The following KLK1 variants were observed in gnomAD, a reference collection of about 807,000 sequenced individuals.
KLK1 encodes kallikrein-1.
Under a neutral mutation model 23.3 loss-of-function variants are expected in KLK1, and 22 were observed. The ratio of observed to expected loss-of-function variants is 0.95; its 90% CI spans 0.68 to 1.35. KLK1 has a LOEUF of 1.35. Among genes scored for constraint, KLK1 ranks in the 40% most tolerant of loss-of-function variants. KLK1 has a pLI of 0.00. For missense variants in KLK1, 301 were observed against 338.9 expected (o/e 0.89, Z 0.88); for synonymous variants, 140 against 135.8 (o/e 1.03, Z -0.21).
intron 1 of KLK1, chr19:50,822,578 C>T (rs1322666441): frequency 3.0e-6 from 3 of 985,098 alleles, no homozygotes; most frequent in South Asian, 9.4e-5. Flanking sequence ...TTCCTGTGAA[C>T]CAGGAATGGC....
Position 50,821,696 on chromosome 19 carries a change from C to T in KLK1, c.206+16G>A, listed in dbSNP as rs534478559. 1 of 1,582,890 alleles carries T rather than the reference C, an allele frequency of 6.3e-7. No individual in the cohort carries two copies. The highest frequency in any genetic ancestry group is 8.6e-7 in the Non-Finnish European group (1 of 1,161,436). On this transcript the variant is annotated intron_variant, in intron 2 of 4. Coordinates refer to ENST00000301420, the MANE Select transcript of KLK1 (RefSeq NM_002257.4). This position sits in a 1 kb window ranked among gnomAD's most constrained non-coding sequence, Gnocchi z 5.6. ...AGCATAGATGCCCTCCTCCCAGACC[C>T]CAGGCCCCTACTCACTCGCTGATGC...
rs751228241 is a variant in KLK1, at chr19:50,820,383, A to C, written c.267T>G (p.Phe89Leu). Reference sequence around the variant, plus strand: ...GTGGGAAGCTCTCACTGACATGAACAAACTGGGCTGTGTTTTCGTCGTCAA... The same window carrying C: ...GTGGGAAGCTCTCACTGACATGAACCAACTGGGCTGTGTTTTCGTCGTCAA... ...NLFDDENTAQFVHVSESFPHP... is the reference protein window; with the variant it reads ...NLFDDENTAQLVHVSESFPHP... The change falls in exon 3 of 5, where the codon TTT becomes TTG. Residue 89 changes from phenylalanine (F) to leucine (L), a missense_variant. Physicochemically the swap from Phe to Leu is conservative, Grantham distance 22. Transcript: ENST00000301420. The C allele has an allele frequency of 1.9e-6, 3 of 1,613,640 alleles. No individual in the cohort carries two copies. In the Admixed American group the frequency reaches 5.0e-5, roughly 27 times the overall value.
At chr19:50,819,697 G>A (rs887104330) in intron 4 of KLK1, among the ~76,000 whole-genome samples, 5 of 152,086 alleles carry the variant, frequency 3.3e-5, no homozygotes, top group African/African-American at 1.2e-4. Context: ...CACGAGGAAC[G>A]GTGAACTCTG....
rs775393694 is a variant in KLK1 at position 50,820,143 on chromosome 19, C to T, written c.496+11G>A. The T allele has an allele frequency of 1.9e-6, 3 of 1,598,500 alleles. No homozygotes were observed. The highest frequency in any genetic ancestry group is 1.7e-5 in the Admixed American group (1 of 59,304). On this transcript the variant is annotated intron_variant, in intron 3 of 4. Transcript: ENST00000301420. Reference sequence around the variant, plus strand: ...TCCCCGCCTTGGGCTACACAGTCTGCCCCCACATACAATTCTCTGGTTCGA... The same window carrying T: ...TCCCCGCCTTGGGCTACACAGTCTGTCCCCACATACAATTCTCTGGTTCGA...
chr19:50,822,182 G>T (rs2089832382), intron 1 of KLK1: 2 of 1,087,918 alleles, frequency 1.8e-6, no homozygotes, highest in African/African-American at 1.6e-5. Flanking sequence ...AGGTCATTTG[G>T]GGTCTGGGGC....
rs1394227261 is a variant in KLK1, at chr19:50,821,350, G to T, written c.206+362C>A. ...GAGGGAGCGGTGAGGTAGAGACCCA[G>T]AGAGAGAGAGATGGGTAGAGAGATG... On this transcript the variant is annotated intron_variant, in intron 2 of 4. Coordinates refer to ENST00000301420, the MANE Select transcript of KLK1 (RefSeq NM_002257.4). The surrounding 1 kb of genome is among the most constrained non-coding windows in gnomAD (Gnocchi z 5.6). Among the ~76,000 whole-genome samples, 1 of 152,000 alleles carries T rather than the reference G, an allele frequency of 6.6e-6. No homozygotes were observed. Among genetic ancestry groups the T allele is most frequent in the Non-Finnish European group, 1.5e-5 (1 of 67,960 alleles).
intron 1 of KLK1, chr19:50,822,685 C>T (rs1432549133): frequency 1.6e-5 from 16 of 984,948 alleles, no homozygotes; most frequent in Middle Eastern, 5.2e-4. Context: ...CCTTCTCGGA[C>T]AGGGTGAAGG....
At chr19:50,823,569 C>T (rs2089841685) in intron 1 of KLK1, 134 bp downstream of exon 1, 2 of 548,582 alleles carry the variant, frequency 3.6e-6, no homozygotes, top group East Asian at 6.0e-5. Flanking sequence ...GCCGGGGCAC[C>T]CCGGACTAGG....
Position 50,821,608 on chromosome 19 carries a change from C to T in KLK1, c.206+104G>A. The T allele has an allele frequency of 1.4e-6, 2 of 1,410,898 alleles. No individual in the cohort carries two copies. The highest frequency in any genetic ancestry group is 1.9e-6 in the Non-Finnish European group (2 of 1,071,242). The allele number at this position is 1,410,898 out of a possible 1,614,324, so 87.4% of individuals were successfully genotyped here. ...TGCGCCAGAGCCTTCCTCTCTGCCTCAGCCCCCCAGTCTTGCCTGAGGTTA... is the reference window on the plus strand; with the variant it reads ...TGCGCCAGAGCCTTCCTCTCTGCCTTAGCCCCCCAGTCTTGCCTGAGGTTA... On this transcript the variant is annotated intron_variant, in intron 2 of 4. Transcript: ENST00000301420. This position sits in a 1 kb window ranked among gnomAD's most constrained non-coding sequence, Gnocchi z 5.6.
At chr19:50,820,610 T>G in intron 2 of KLK1, 167 bp from the exon 3 acceptor site, 1 of 572,958 alleles carries the variant, frequency 1.7e-6, no homozygotes, top group Non-Finnish European at 3.0e-6. Flanking sequence ...AGACAGCGAA[T>G]GGGAAGATGA....
intron 4 of KLK1, 135 bp from the exon 5 acceptor site, chr19:50,819,484 G>C (rs1473279905): frequency 2.3e-6 from 2 of 866,678 alleles, no homozygotes; most frequent in Non-Finnish European, 1.7e-6. Context: ...CCACAGAGGG[G>C]ACAGGGTCTC....
intron 1 of KLK1, chr19:50,822,187 T>G (rs2089832444): frequency 2.0e-6 from 2 of 1,020,980 alleles, no homozygotes; most frequent in Non-Finnish European, 1.2e-6. Context: ...ATTTGGGGTC[T>G]GGGGCTGGGG....
intron 2 of KLK1, 51 bp from the exon 3 acceptor site, chr19:50,820,494 G>T: frequency 2.0e-5 from 11 of 563,854 alleles, no homozygotes; most frequent in East Asian, 1.3e-4. Context: ...GGGAAAAGGG[G>T]ATGGGGCAGG....
intron 1 of KLK1, chr19:50,822,714 A>G: frequency 1.3e-5 from 13 of 985,330 alleles, no homozygotes; most frequent in Non-Finnish European, 1.6e-5. Context: ...TTCGTTTCTC[A>G]TGGGGATGGG....
rs745638385 is a variant in KLK1 at position 50,819,300 on chromosome 19, G to A, written c.683C>T (p.Thr228Ile). 8 of 1,614,170 alleles carry A rather than the reference G, an allele frequency of 5.0e-6. No homozygotes were observed. The Admixed American group carries it at 1.2e-4, about 24-fold the overall frequency. ...LMCDGVLQGV[T>I]SWGYVPCGTP... ...GCCACAAGGGACGTAGCCCCATGATGTGACACCTTGGAGCACACCATCACA... is the reference window on the plus strand; with the variant it reads ...GCCACAAGGGACGTAGCCCCATGATATGACACCTTGGAGCACACCATCACA... Residue 228 changes from threonine (T) to isoleucine (I), a missense_variant, in exon 5 of 5, where the codon ACA becomes ATA. Physicochemically the swap from Thr to Ile is moderately conservative, Grantham distance 89. Transcript: ENST00000301420.
chr19:50,822,816 G>A, intron 1 of KLK1: 1 of 978,486 alleles, frequency 1.0e-6, no homozygotes, highest in South Asian at 4.7e-5. Flanking sequence ...CAGGCGCCAA[G>A]CAGCTGTGGG....
In KLK1 at chr19:50,820,050, G is replaced by A. The variant is rs763736668; in HGVS notation, c.497-15C>T. The A allele has an allele frequency of 8.7e-6, 14 of 1,613,484 alleles. No individual in the cohort carries two copies. In the African/African-American group the frequency reaches 1.9e-4, roughly 22 times the overall value. ...TGGAAATGAGACTACGAACCCGGGA[G>A]AAAAAGGGCTGCAGCCCGACCTCAC... On this transcript the variant is annotated splice_polypyrimidine_tract_variant and intron_variant, in intron 3 of 4. Coordinates refer to ENST00000301420, the MANE Select transcript of KLK1 (RefSeq NM_002257.4).
intron 4 of KLK1, 43 bp downstream of exon 4, chr19:50,819,856 C>T: frequency 1.3e-6 from 2 of 1,594,452 alleles, no homozygotes; most frequent in Non-Finnish European, 1.7e-6. Flanking sequence ...GGCTGAGTCC[C>T]CTCCCTCAGC....
At chr19:50,820,112 T>G in intron 3 of KLK1, 42 bp downstream of exon 3, 4 of 1,603,284 alleles carry the variant, frequency 2.5e-6, no homozygotes, top group Non-Finnish European at 2.6e-6. Flanking sequence ...GACGCAGGAG[T>G]CCCCATCCCC....
Sources: gnomAD v4.1 joint callset for allele counts (sites outside exome capture counted in the v4.1 genomes callset) on GRCh38, gnomAD v4.1.1 for gene constraint, Gnocchi (gnomAD v3.1) non-coding constraint, MANE v1.5 for transcripts, NCBI Gene and HGNC (gene_info 2026-07-23, HGNC 2026-07-21) for gene names.